Variants in SV2C observed in about 807,000 individuals in gnomAD.
SV2C encodes synaptic vesicle glycoprotein 2C, also known as solute carrier family 22 member B3.
A neutral mutation model predicts 79.7 loss-of-function variants in SV2C; 49 were observed. The ratio of observed to expected loss-of-function variants is 0.61; its 90% CI spans 0.49 to 0.78. The LOEUF is 0.78. Ranked by LOEUF, SV2C falls within the 30% of genes least tolerant of loss-of-function variation. The pLI, the probability that SV2C is intolerant of heterozygous loss-of-function variation, is 0.00. For synonymous variants in SV2C, 334 were observed against 333.2 expected (o/e 1.00, Z -0.03); for missense variants, 833 against 912.9 (o/e 0.91, Z 1.13).
chr5:76,179,507 T>C (rs1743653320), intron 2 of SV2C, among the ~76,000 whole-genome samples: 1 of 152,216 alleles, frequency 6.6e-6, no homozygotes, highest in Non-Finnish European at 1.5e-5. Context: ...CATAAATCAT[T>C]AATAGTCATA....
the SV2C span, among the ~76,000 whole-genome samples, chr5:76,054,564 G>A: frequency 1.7e-4 from 26 of 152,112 alleles, no homozygotes; most frequent in Non-Finnish European, 3.5e-4. Flanking sequence ...TTGAGGAATC[G>A]CCACACTGAC....
At chr5:75,943,391 T>C in the SV2C span, among the ~76,000 whole-genome samples, 1 of 152,192 alleles carries the variant, frequency 6.6e-6, no homozygotes, top group Non-Finnish European at 1.5e-5. Context: ...AATGCTGCCA[T>C]GAAGACATGT....
intron 12 of SV2C, among the ~76,000 whole-genome samples, chr5:76,322,335 TG>T (rs1464007565): frequency 2.0e-5 from 3 of 152,172 alleles, no homozygotes; most frequent in Non-Finnish European, 4.4e-5. Flanking sequence ...ACAAGGGCTG[TG>T]AAGGAACTCT....
chr5:76,072,835 T>A, the SV2C span, among the ~76,000 whole-genome samples: 1 of 152,290 alleles, frequency 6.6e-6, no homozygotes, highest in East Asian at 1.9e-4. Context: ...GGTTTTGATT[T>A]GCATTTCCCT....
intron 3 of SV2C, among the ~76,000 whole-genome samples, chr5:76,200,564 A>T (rs1168250278): frequency 6.6e-6 from 1 of 152,206 alleles, no homozygotes; most frequent in South Asian, 2.1e-4. Flanking sequence ...GTCTTATTTC[A>T]TTGCTGAAGC....
At chr5:75,931,730 A>G in the SV2C span, among the ~76,000 whole-genome samples, 2 of 152,170 alleles carry the variant, frequency 1.3e-5, no homozygotes, top group Non-Finnish European at 2.9e-5. Context: ...GGATAAATAA[A>G]ATTTGATTTT....
intron 2 of SV2C, among the ~76,000 whole-genome samples, chr5:76,176,845 G>A (rs73132248): frequency 0.011 from 1,703 of 152,258 alleles, 28 homozygotes; most frequent in African/African-American, 0.039. Context: ...GGCCGGCAAG[G>A]TGGCTCACGC....
At chr5:75,878,837 G>A in the SV2C span, among the ~76,000 whole-genome samples, 1 of 151,142 alleles carries the variant, frequency 6.6e-6, no homozygotes, top group East Asian at 1.9e-4. Flanking sequence ...CATATCTGAG[G>A]CTGGATAATT....
At chr5:75,853,555 CA>C in the SV2C span, among the ~76,000 whole-genome samples, 255 of 29,004 alleles carry the variant, frequency 8.8e-3, 1 homozygote, top group Admixed American at 0.011. Flanking sequence ...GACTCCTTCT[CA>C]AAAAAAAAAA....
chr5:75,901,040 G>A, the SV2C span, among the ~76,000 whole-genome samples: 2 of 152,164 alleles, frequency 1.3e-5, no homozygotes, highest in Non-Finnish European at 2.9e-5. Context: ...GTTTCCTCCT[G>A]TAGCTCGGAG....
chr5:76,175,830 G>A (rs1025210332), intron 2 of SV2C, among the ~76,000 whole-genome samples: 5 of 152,156 alleles, frequency 3.3e-5, no homozygotes, highest in Non-Finnish European at 5.9e-5. Flanking sequence ...GTCCCCGAGA[G>A]GTGGATTGCA....
At position 76,108,639 on chromosome 5, in the gene SV2C, T is replaced by C. The variant is rs916748379; in HGVS notation, c.-101-23011T>C. On this transcript the variant is annotated intron_variant, in intron 1 of 12. Transcript: ENST00000502798. Reference sequence around the variant, plus strand: ...CGTATTCCATCGAGGCCAAAAATTTTTTTTCATTGGATAACCTTAACTTCA... The same window carrying C: ...CGTATTCCATCGAGGCCAAAAATTTCTTTTCATTGGATAACCTTAACTTCA... 3.4e-4 allele frequency among the ~76,000 whole-genome samples: 52 copies of C among 152,228 alleles called. 1 individual carries two copies. The highest frequency in any genetic ancestry group is 1.9e-4 in the Non-Finnish European group (13 of 68,050).
intron 5 of SV2C, 119 bp from the exon 6 acceptor site, chr5:76,285,662 C>A: frequency 1.3e-6 from 1 of 777,402 alleles, no homozygotes. Context: ...ATGGGATGTA[C>A]TGAGATACAT....
At chr5:76,041,543 G>A in the SV2C span, among the ~76,000 whole-genome samples, 7 of 152,158 alleles carry the variant, frequency 4.6e-5, no homozygotes, top group African/African-American at 1.7e-4. Flanking sequence ...GGACATCTGG[G>A]CAAGGAATTC....
At chr5:76,026,048 TCACCTCCA>T in the SV2C span, among the ~76,000 whole-genome samples, 3 of 152,056 alleles carry the variant, frequency 2.0e-5, no homozygotes, top group Non-Finnish European at 4.4e-5. Flanking sequence ...ATCCTATCCA[TCACCTCCA>T]CACAAATGAC....
the SV2C span, among the ~76,000 whole-genome samples, chr5:76,015,682 G>A: frequency 6.6e-6 from 1 of 152,078 alleles, no homozygotes. Flanking sequence ...AACTATAAGA[G>A]AGGTAAGCTA....
chr5:76,188,796 G>C (rs375761077), intron 2 of SV2C, among the ~76,000 whole-genome samples: 1 of 152,124 alleles, frequency 6.6e-6, no homozygotes, highest in Non-Finnish European at 1.5e-5. Context: ...CATCTTGGGT[G>C]GGGGGCAGGG....
At chr5:76,065,331 C>T in the SV2C span, among the ~76,000 whole-genome samples, 19 of 152,116 alleles carry the variant, frequency 1.2e-4, no homozygotes, top group African/African-American at 4.1e-4. Flanking sequence ...TTTTAAACAT[C>T]GTGCATCAAT....
the SV2C span, among the ~76,000 whole-genome samples, chr5:75,922,394 A>T: frequency 8.5e-5 from 13 of 152,120 alleles, no homozygotes; most frequent in South Asian, 4.1e-4. Flanking sequence ...AAAATTAAAT[A>T]AAAAAATTGA....
Sources: allele counts gnomAD v4.1 joint callset (sites outside exome capture counted in the v4.1 genomes callset), GRCh38; gene constraint gnomAD v4.1.1; transcripts MANE v1.5; gene names NCBI Gene and HGNC (gene_info 2026-07-23, HGNC 2026-07-21).